Variants in ATXN7L1 observed in about 807,000 individuals in gnomAD.
ATXN7L1 encodes ataxin-7-like protein 1.
Under a neutral mutation model 70.8 loss-of-function variants are expected in ATXN7L1, and 15 were observed. The ratio of observed to expected loss-of-function variants is 0.21; its 90% CI spans 0.14 to 0.33. The LOEUF is 0.33. Among genes scored for constraint, ATXN7L1 ranks in the 10% least tolerant of loss-of-function variants. The probability of loss-of-function intolerance (pLI) is 1.00; values close to 1 mark genes in which losing one functional copy is unlikely to be tolerated. For synonymous variants in ATXN7L1, 440 were observed against 445.1 expected, an observed-to-expected ratio of 0.99 and a Z score of 0.14; for missense variants, 975 against 1,097.1, an observed-to-expected ratio of 0.89 and a Z score of 1.57.
chr7:105,724,428 G>C (rs1462179861), intron 3 of ATXN7L1, among the ~76,000 whole-genome samples: 1 of 151,828 alleles, frequency 6.6e-6, no homozygotes, highest in Non-Finnish European at 1.5e-5. Context: ...ACAAAAATTA[G>C]CTGGGTGTGG....
intron 7 of ATXN7L1, among the ~76,000 whole-genome samples, chr7:105,632,383 T>C (rs999188146): frequency 1.3e-5 from 2 of 152,172 alleles, no homozygotes; most frequent in Non-Finnish European, 2.9e-5. Flanking sequence ...TAAAATACCA[T>C]TTTTGAAGAT....
intron 8 of ATXN7L1, among the ~76,000 whole-genome samples, chr7:105,622,106 C>A (rs536321461): frequency 3.5e-4 from 53 of 152,316 alleles, no homozygotes; most frequent in South Asian, 1.0e-3. Context: ...TAAAGATGCA[C>A]CGAGCAAGCA....
intron 3 of ATXN7L1, among the ~76,000 whole-genome samples, chr7:105,765,778 A>G (rs948350614): frequency 6.6e-6 from 1 of 152,242 alleles, no homozygotes; most frequent in Non-Finnish European, 1.5e-5. Context: ...CAGCATTAGT[A>G]GCCTGTGTAA....
At chr7:105,757,208 A>T (rs1613232) in intron 3 of ATXN7L1, among the ~76,000 whole-genome samples, 19,928 of 152,168 alleles carry the variant, frequency 0.13, 1,725 homozygotes, top group East Asian at 0.45. Context: ...TTTTGAAAAA[A>T]AAAATCAGGT....
chr7:105,666,871 AC>A, intron 3 of ATXN7L1, among the ~76,000 whole-genome samples: 1 of 152,294 alleles, frequency 6.6e-6, no homozygotes, highest in Non-Finnish European at 1.5e-5. Flanking sequence ...TCCCACTCCA[AC>A]CGCATATACA....
rs1563166324 is a variant in ATXN7L1, at chr7:105,876,539, C to G, written c.20G>C (p.Arg7Pro). Residue 7 changes from arginine (R) to proline (P), a missense_variant, in exon 1 of 12, where the codon CGA becomes CCA. By Grantham distance (103) the Arg-to-Pro change is moderately radical (BLOSUM62 -2). Coordinates refer to ENST00000419735, the MANE Select transcript of ATXN7L1 (RefSeq NM_020725.2). The part of the protein sequence containing the change: MTSERS[R>P]IPCLSAAAAE... ...AGCAGCAGCCGAGAGACACGGGATT[C>G]GAGAACGCTCCGACGTCATCTTCGG... is the stretch of plus-strand genomic sequence containing the variant. The G allele has an allele frequency of 2.1e-5, 33 of 1,537,162 alleles. No individual in the cohort carries two copies. The highest frequency in any genetic ancestry group is 2.7e-5 in the Non-Finnish European group (31 of 1,130,678).
chr7:105,730,397 TA>T (rs1005823865), intron 3 of ATXN7L1, among the ~76,000 whole-genome samples: 7 of 148,934 alleles, frequency 4.7e-5, no homozygotes, highest in African/African-American at 1.2e-4. Context: ...CAAGTTTATT[TA>T]AAAAAAAAAC....
At chr7:105,819,714 G>A in intron 2 of ATXN7L1, 1 of 867,628 alleles carries the variant, frequency 1.2e-6, no homozygotes. Context: ...CCACTTCCGG[G>A]CCTCTAGCCG....
At chr7:105,869,771 C>T (rs995981580) in intron 2 of ATXN7L1, among the ~76,000 whole-genome samples, 1 of 151,912 alleles carries the variant, frequency 6.6e-6, no homozygotes, top group African/African-American at 2.4e-5. Flanking sequence ...TGTAGGCTTC[C>T]AAGAGACCCA....
At chr7:105,691,943 A>G (rs1318382705) in intron 3 of ATXN7L1, among the ~76,000 whole-genome samples, 4 of 152,260 alleles carry the variant, frequency 2.6e-5, no homozygotes, top group Admixed American at 2.0e-4. Flanking sequence ...GCCAAGAACA[A>G]CAAGCACAGA....
chr7:105,798,931 C>T (rs1206183533), intron 2 of ATXN7L1, among the ~76,000 whole-genome samples: 1 of 152,236 alleles, frequency 6.6e-6, no homozygotes, highest in Admixed American at 6.5e-5. Context: ...CATAGCTCCG[C>T]TAAGACTAGA....
At chr7:105,840,176 C>A (rs796607949) in intron 2 of ATXN7L1, among the ~76,000 whole-genome samples, 3 of 152,304 alleles carry the variant, frequency 2.0e-5, no homozygotes, top group African/African-American at 7.2e-5. Context: ...CCCAGCAGAC[C>A]CCAGGGAGCC....
chr7:105,694,371 G>A (rs931801705), intron 3 of ATXN7L1, among the ~76,000 whole-genome samples: 1 of 152,278 alleles, frequency 6.6e-6, no homozygotes, highest in South Asian at 2.1e-4. Context: ...AATCAGCCCT[G>A]TCCTTGGGGT....
At position 105,777,087 on chromosome 7, in the gene ATXN7L1, G is replaced by T. The variant is rs1453245492; in HGVS notation, c.355+11517C>A. Among the ~76,000 whole-genome samples the T allele has an allele frequency of 5.3e-5, 8 of 152,300 alleles. No homozygotes were observed. The South Asian group carries it at 6.2e-4, about 12-fold the overall frequency. On this transcript the variant is annotated intron_variant, in intron 3 of 11. Transcript: ENST00000419735. Reference sequence around the variant, plus strand: ...GAAAAGTGCTCCCTGGTGGGACTCAGCGATGCCCAAGGAACAGTCCTAGCC... The same window carrying T: ...GAAAAGTGCTCCCTGGTGGGACTCATCGATGCCCAAGGAACAGTCCTAGCC...
chr7:105,757,583 T>A (rs1474633511), intron 3 of ATXN7L1, among the ~76,000 whole-genome samples: 1 of 145,056 alleles, frequency 6.9e-6, no homozygotes, highest in Non-Finnish European at 1.5e-5. Flanking sequence ...TCTGTATTTT[T>A]TTTTTTTTTT....
chr7:105,780,624 T>A (rs1182287918), intron 3 of ATXN7L1, among the ~76,000 whole-genome samples: 1 of 152,164 alleles, frequency 6.6e-6, no homozygotes, highest in East Asian at 1.9e-4. Flanking sequence ...TGCAGCCGTA[T>A]GGCCTTCTGC....
chr7:105,855,262 G>C (rs1176096372), intron 2 of ATXN7L1, among the ~76,000 whole-genome samples: 2 of 152,120 alleles, frequency 1.3e-5, no homozygotes, highest in African/African-American at 4.8e-5. Context: ...AAAAATTTTA[G>C]GCTTTGTCTC....
chr7:105,795,244 T>G (rs1238815151), intron 2 of ATXN7L1, among the ~76,000 whole-genome samples: 1 of 152,230 alleles, frequency 6.6e-6, no homozygotes, highest in Non-Finnish European at 1.5e-5. Context: ...AAAGTGCTTC[T>G]GAAGTCAACA....
intron 3 of ATXN7L1, among the ~76,000 whole-genome samples, chr7:105,681,600 C>T (rs1805565292): frequency 6.6e-6 from 1 of 151,970 alleles, no homozygotes; most frequent in African/African-American, 2.4e-5. Context: ...GTGGGTATAC[C>T]CACATTCATA....
Sources: gnomAD v4.1 joint callset for allele counts (sites outside exome capture counted in the v4.1 genomes callset) on GRCh38, gnomAD v4.1.1 for gene constraint, MANE v1.5 for transcripts, NCBI Gene and HGNC (gene_info 2026-07-23, HGNC 2026-07-21) for gene names.